The following CDC27 variants were observed in gnomAD, a reference collection of about 807,000 sequenced individuals.
The protein encoded by CDC27 is cell division cycle 27.
Under a neutral mutation model 109.7 loss-of-function variants are expected in CDC27, and 27 were observed. The observed-to-expected ratio is 0.25, with a 90% confidence interval of 0.18 to 0.34. The LOEUF (loss-of-function observed/expected upper bound fraction) is 0.34. Among genes scored for constraint, CDC27 ranks in the 10% least tolerant of loss-of-function variants. CDC27 has a pLI of 1.00. For missense variants in CDC27, 579 were observed against 960.2 expected, an observed-to-expected ratio of 0.60 and a Z score of 5.25; for synonymous variants, 266 against 333.9, an observed-to-expected ratio of 0.80 and a Z score of 2.22.
chr17:47,134,602 A>G (rs2062513829), intron 14 of CDC27, among the ~76,000 whole-genome samples: 1 of 151,896 alleles, frequency 6.6e-6, no homozygotes, highest in Admixed American at 6.6e-5. Flanking sequence ...CAGTCTCCCA[A>G]GCAGCTGGGA....
chr17:47,144,189 G>A (rs2062884307), intron 9 of CDC27, among the ~76,000 whole-genome samples: 1 of 152,060 alleles, frequency 6.6e-6, no homozygotes, highest in Non-Finnish European at 1.5e-5. Flanking sequence ...CTGCTTCTCA[G>A]CTTGCAGATG....
intron 16 of CDC27, among the ~76,000 whole-genome samples, chr17:47,128,312 T>C (rs2062211941): frequency 6.6e-6 from 1 of 152,210 alleles, no homozygotes; most frequent in African/African-American, 2.4e-5. Context: ...ATTACAGGTG[T>C]GAGCCACTGC....
intron 16 of CDC27, among the ~76,000 whole-genome samples, chr17:47,127,247 A>G (rs1598395769): frequency 6.6e-6 from 1 of 152,218 alleles, no homozygotes; most frequent in Admixed American, 6.5e-5. Flanking sequence ...TGGGCAACAG[A>G]GCAAGAAAAA....
intron 4 of CDC27, among the ~76,000 whole-genome samples, chr17:47,165,385 G>A (rs772151969): frequency 3.3e-5 from 5 of 152,186 alleles, no homozygotes; most frequent in Non-Finnish European, 5.9e-5. Context: ...TTTAGCCATT[G>A]TATCTAATGG....
intron 16 of CDC27, among the ~76,000 whole-genome samples, chr17:47,128,262 C>T (rs2062209963): frequency 1.3e-5 from 2 of 152,138 alleles, no homozygotes; most frequent in Admixed American, 1.3e-4. Flanking sequence ...AACTTCTGAC[C>T]TCAAGTGATT....
chr17:47,174,900 G>A (rs1171548362), intron 2 of CDC27, among the ~76,000 whole-genome samples: 7 of 152,084 alleles, frequency 4.6e-5, no homozygotes, highest in African/African-American at 1.7e-4. Flanking sequence ...TGGTTGCAGT[G>A]AGCCGAGATC....
At chr17:47,159,467 C>T (rs1598516751) in intron 4 of CDC27, 4 of 614,736 alleles carry the variant, frequency 6.5e-6, no homozygotes, top group Non-Finnish European at 8.2e-6. Flanking sequence ...AGACGATGCC[C>T]GTGCTCCTGG....
At chr17:47,176,950 A>T (rs551315211) in intron 2 of CDC27, among the ~76,000 whole-genome samples, 1 of 152,230 alleles carries the variant, frequency 6.6e-6, no homozygotes, top group East Asian at 1.9e-4. Context: ...GTACGCATAT[A>T]TTTCTGTGAG....
chr17:47,172,183 C>T, intron 2 of CDC27, 119 bp from the exon 3 acceptor site: 1 of 581,624 alleles, frequency 1.7e-6, no homozygotes, highest in Non-Finnish European at 2.8e-6. Flanking sequence ...TAACACAAAA[C>T]AATCACTTAT....
In CDC27 at chr17:47,142,724, A is replaced by G. The variant is rs182554120; in HGVS notation, c.1171-288T>C. On this transcript the variant is annotated intron_variant, in intron 10 of 18. Coordinates refer to ENST00000066544, the MANE Select transcript of CDC27 (RefSeq NM_001256.6). ...TCATTTATTATTTAAAAGTAAGAAAATAAGTAGATGTAATTCTCAGCTCAC... is the reference window on the plus strand; with the variant it reads ...TCATTTATTATTTAAAAGTAAGAAAGTAAGTAGATGTAATTCTCAGCTCAC... 2.6e-5 allele frequency among the ~76,000 whole-genome samples: 4 copies of G among 152,324 alleles called. No individual in the cohort carries two copies. The East Asian group carries it at 7.7e-4, about 29-fold the overall frequency.
chr17:47,135,838 G>A (rs1007618804), intron 14 of CDC27, among the ~76,000 whole-genome samples: 6 of 151,956 alleles, frequency 3.9e-5, no homozygotes, highest in African/African-American at 1.4e-4. Flanking sequence ...AACAACACAA[G>A]TCTTATTAAG....
intron 16 of CDC27, 58 bp downstream of exon 16, chr17:47,129,334 AG>A: frequency 3.3e-6 from 4 of 1,222,096 alleles, no homozygotes; most frequent in Non-Finnish European, 3.5e-6. Flanking sequence ...ATTGAAAACA[AG>A]GGATAACGTT....
chr17:47,158,865 C>T (rs942285530), intron 4 of CDC27, among the ~76,000 whole-genome samples: 2 of 152,124 alleles, frequency 1.3e-5, no homozygotes, highest in African/African-American at 4.8e-5. Context: ...GGTGATTTAC[C>T]TGTCTTGGCC....
intron 7 of CDC27, 88 bp from the exon 8 acceptor site, chr17:47,154,874 A>G: frequency 1.5e-6 from 1 of 663,450 alleles, no homozygotes; most frequent in Non-Finnish European, 2.7e-6. Context: ...TCTAAAAGGA[A>G]GAGAATGGCA....
At position 47,135,498 on chromosome 17, in the gene CDC27, T is replaced by C. The variant is rs151160074; in HGVS notation, c.1913+1654A>G. 7.6e-3 allele frequency among the ~76,000 whole-genome samples: 1,160 copies of C among 152,244 alleles called. 11 individuals carry two copies. Among genetic ancestry groups the C allele is most frequent in the African/African-American group, 0.026 (1,099 of 41,546 alleles). On this transcript the variant is annotated intron_variant, in intron 14 of 18. Transcript: ENST00000066544. ...AGAAAAAAGCACAACATATCTGCTT[T>C]ATTTGAGTGGCTTTATATATCATTA...
rs951757540 is a variant in CDC27 at position 47,117,798 on chromosome 17, A to T, written c.*3137T>A. Reference sequence around the variant, plus strand: ...TAAATATATTAAGAGTGTAAGTTTTAAAAAATTAGATAAACATTGCTCTAG... The same window carrying T: ...TAAATATATTAAGAGTGTAAGTTTTTAAAAATTAGATAAACATTGCTCTAG... On this transcript the variant is annotated 3_prime_UTR_variant, in exon 19 of 19. Transcript: ENST00000066544. 2 of 152,312 alleles carry T rather than the reference A, an allele frequency of 1.3e-5. No homozygotes were observed. Among genetic ancestry groups the T allele is most frequent in the African/African-American group, 2.4e-5 (1 of 41,586 alleles). The allele number at this position is 152,312 out of a possible 1,614,324, so 9.4% of individuals were successfully genotyped here. A position where few individuals can be genotyped will look rare whatever the true frequency, so the allele number is the denominator to read the frequency against.
At position 47,119,029 on chromosome 17, in the gene CDC27, T is replaced by TTTA. The variant is rs1169427446; in HGVS notation, c.*1903_*1905dup. ...GTTCTAAGCTTAGCTTTCTCCAGGC[T>TTTA]TTATAACGCAGAACTCAGGTTGAAG... is the stretch of plus-strand genomic sequence containing the variant. On this transcript the variant is annotated 3_prime_UTR_variant, in exon 19 of 19. Transcript: ENST00000066544. 1 of 152,210 alleles carries TTTA rather than the reference T, an allele frequency of 6.6e-6. No homozygotes were observed. The highest frequency in any genetic ancestry group is 1.5e-5 in the Non-Finnish European group (1 of 68,028). 9.4% of individuals were successfully genotyped at this position (152,210 alleles called of 1,614,324 possible).
chr17:47,183,884 T>G (rs745773699), intron 1 of CDC27, among the ~76,000 whole-genome samples: 8 of 152,238 alleles, frequency 5.3e-5, no homozygotes, highest in Non-Finnish European at 1.2e-4. Context: ...TAGCATTAAG[T>G]TTCTTTGTAT....
rs763480851 is a variant in CDC27, at chr17:47,170,041, G to A, written c.253C>T (p.Leu85Phe). 1.3e-6 allele frequency: 2 copies of A among 1,506,210 alleles called. No individual in the cohort carries two copies. Among genetic ancestry groups the A allele is most frequent in the Admixed American group, 4.8e-5 (2 of 41,674 alleles). The allele number at this position is 1,506,210 out of a possible 1,614,324, so 93.3% of individuals were successfully genotyped here. ...LAKCCVDLSK[L>F]AEGEQILSGG... is the part of the protein sequence containing the mutation. ...GATAAGATTTGTTCCCCTTCTGCAA[G>A]CCTTTAAAATACAAATTTAAAGATT... Residue 85 changes from leucine to phenylalanine, a missense_variant and splice_region_variant, in exon 4 of 19, where the codon CTT becomes TTT. Leu to Phe is a conservative substitution (Grantham distance 22). Around this residue, in one of 9 missense-constraint regions of CDC27, gnomAD observed 52 missense variants for 63.4 expected, o/e 0.82. Coordinates refer to ENST00000066544, the MANE Select transcript of CDC27 (RefSeq NM_001256.6).
Sources: allele counts gnomAD v4.1 joint callset (sites outside exome capture counted in the v4.1 genomes callset), GRCh38; gene constraint gnomAD v4.1.1; regional missense constraint gnomAD v4.1.1; transcripts MANE v1.5; gene names NCBI Gene and HGNC (gene_info 2026-07-23, HGNC 2026-07-21).